Variants in ATXN7L1 observed in about 807,000 individuals in gnomAD.
The protein encoded by ATXN7L1 is ataxin-7-like protein 1.
Under a neutral mutation model 70.8 loss-of-function variants are expected in ATXN7L1, and 15 were observed. The ratio of observed to expected loss-of-function variants is 0.21; its 90% confidence interval spans 0.14 to 0.33. The LOEUF is 0.33. ATXN7L1 is among the 10% of genes least tolerant of loss of function. The probability of loss-of-function intolerance (pLI) is 1.00; values close to 1 mark genes in which losing one functional copy is unlikely to be tolerated. For synonymous variants in ATXN7L1, 440 were observed against 445.1 expected (o/e 0.99, Z 0.14); for missense variants, 975 against 1,097.1 (o/e 0.89, Z 1.57).
intron 3 of ATXN7L1, among the ~76,000 whole-genome samples, chr7:105,727,779 C>CACAT (rs1554442592): frequency 1.5e-5 from 1 of 66,864 alleles, no homozygotes; most frequent in Admixed American, 1.6e-4. Context: ...TATATATATA[C>CACAT]ACACACATAC....
At chr7:105,722,382 T>C (rs1408590146) in intron 3 of ATXN7L1, among the ~76,000 whole-genome samples, 1 of 151,674 alleles carries the variant, frequency 6.6e-6, no homozygotes, top group Non-Finnish European at 1.5e-5. Context: ...GCCAACATGA[T>C]GAAACTCTGT....
At position 105,733,637 on chromosome 7, in the gene ATXN7L1, T is replaced by TCCAC. The variant is rs1563049057; in HGVS notation, c.355+54966_355+54967insGTGG. ...ATCCATCCATCCATCCATCCACCCA[T>TCCAC]CCATCCATCCATCCATCCATCCATC... On this transcript the variant is annotated intron_variant, in intron 3 of 11. Transcript: ENST00000419735. Among the ~76,000 whole-genome samples the TCCAC allele has an allele frequency of 1.2e-3, 102 of 83,450 alleles. 12 individuals carry two copies. The highest frequency in any genetic ancestry group is 4.5e-3 in the African/African-American group (80 of 17,794). 54.7% of individuals were successfully genotyped at this position (83,450 alleles called of 152,430 possible).
chr7:105,829,194 G>A (rs375777244), intron 2 of ATXN7L1, among the ~76,000 whole-genome samples: 10 of 152,294 alleles, frequency 6.6e-5, no homozygotes, highest in African/African-American at 2.4e-4. Flanking sequence ...GGCTGAGGCG[G>A]GTGGATCACT....
chr7:105,874,769 T>C (rs1818773071), intron 2 of ATXN7L1, among the ~76,000 whole-genome samples: 1 of 152,250 alleles, frequency 6.6e-6, no homozygotes, highest in African/African-American at 2.4e-5. Context: ...GTTCCATCTT[T>C]CCACGCAGGC....
chr7:105,795,735 C>T (rs936595505), intron 2 of ATXN7L1, among the ~76,000 whole-genome samples: 2 of 152,110 alleles, frequency 1.3e-5, no homozygotes, highest in Admixed American at 6.5e-5. Context: ...GTGATATCTA[C>T]GCTCACCATA....
At chr7:105,649,888 A>C (rs1799598503) in intron 4 of ATXN7L1, among the ~76,000 whole-genome samples, 1 of 152,134 alleles carries the variant, frequency 6.6e-6, no homozygotes, top group African/African-American at 2.4e-5. Context: ...CTTCGACAAA[A>C]GCCTATGTGC....
intron 3 of ATXN7L1, among the ~76,000 whole-genome samples, chr7:105,786,858 T>C (rs1804378957): frequency 6.6e-6 from 1 of 152,208 alleles, no homozygotes; most frequent in Non-Finnish European, 1.5e-5. Flanking sequence ...CAACCCCTTG[T>C]TCCGTGCCTA....
At chr7:105,670,897 G>T (rs1419734883) in intron 3 of ATXN7L1, among the ~76,000 whole-genome samples, 1 of 152,056 alleles carries the variant, frequency 6.6e-6, no homozygotes, top group Non-Finnish European at 1.5e-5. Context: ...ACGAGGTCAG[G>T]AGATCGAGAC....
At chr7:105,845,475 C>G in intron 2 of ATXN7L1, among the ~76,000 whole-genome samples, 1 of 120,986 alleles carries the variant, frequency 8.3e-6, no homozygotes, top group African/African-American at 3.0e-5. Flanking sequence ...ATTCTCTAAA[C>G]TGATCTACAG....
intron 2 of ATXN7L1, among the ~76,000 whole-genome samples, chr7:105,807,032 G>A (rs1481325780): frequency 1.3e-5 from 2 of 152,166 alleles, no homozygotes; most frequent in African/African-American, 4.8e-5. Flanking sequence ...TGGCCTCCTG[G>A]GCCAGGGCAC....
chr7:105,798,138 G>A (rs1332741800), intron 2 of ATXN7L1, among the ~76,000 whole-genome samples: 1 of 152,134 alleles, frequency 6.6e-6, no homozygotes, highest in Non-Finnish European at 1.5e-5. Context: ...AAGCACTAAG[G>A]GAATCTAAGG....
intron 2 of ATXN7L1, among the ~76,000 whole-genome samples, chr7:105,871,779 A>C (rs1818306834): frequency 6.6e-6 from 1 of 152,166 alleles, no homozygotes; most frequent in African/African-American, 2.4e-5. Context: ...AAATAATAAC[A>C]ATGACATGAA....
chr7:105,693,116 A>G (rs1048534368), intron 3 of ATXN7L1, among the ~76,000 whole-genome samples: 1 of 152,246 alleles, frequency 6.6e-6, no homozygotes, highest in Non-Finnish European at 1.5e-5. Flanking sequence ...TTAACCAAAT[A>G]AAATTTTAGT....
At chr7:105,704,505 T>C (rs13228177) in intron 3 of ATXN7L1, among the ~76,000 whole-genome samples, 7,404 of 151,528 alleles carry the variant, frequency 0.049, 230 homozygotes, top group Admixed American at 0.069. Flanking sequence ...ACTGTTTAAT[T>C]CACACAATAA....
chr7:105,769,796 T>C (rs897631995), intron 3 of ATXN7L1, among the ~76,000 whole-genome samples: 6 of 152,312 alleles, frequency 3.9e-5, no homozygotes, highest in Middle Eastern at 3.4e-3. Flanking sequence ...CTTTTACCTT[T>C]TTGTCTCCTT....
chr7:105,714,853 G>A (rs67478261), intron 3 of ATXN7L1, among the ~76,000 whole-genome samples: 2 of 152,018 alleles, frequency 1.3e-5, no homozygotes, highest in African/African-American at 4.8e-5. Flanking sequence ...AGTAGAGACG[G>A]GGGTTTCCAC....
intron 2 of ATXN7L1, among the ~76,000 whole-genome samples, chr7:105,861,467 G>C (rs942934118): frequency 4.6e-5 from 7 of 151,148 alleles, no homozygotes; most frequent in Admixed American, 6.6e-5. Context: ...AAGATGGGAG[G>C]GAGGGAGGAG....
At chr7:105,691,126 T>C (rs1174491084) in intron 3 of ATXN7L1, among the ~76,000 whole-genome samples, 4 of 152,196 alleles carry the variant, frequency 2.6e-5, no homozygotes, top group Non-Finnish European at 5.9e-5. Context: ...GACCAGCCCT[T>C]GGGCATGTTT....
At chr7:105,853,635 G>T (rs1195432693) in intron 2 of ATXN7L1, among the ~76,000 whole-genome samples, 4 of 151,494 alleles carry the variant, frequency 2.6e-5, no homozygotes, top group Non-Finnish European at 4.4e-5. Context: ...GTGGTGGTGG[G>T]CGCCTGTAAT....
Sources: gnomAD v4.1 joint callset for allele counts (sites outside exome capture counted in the v4.1 genomes callset) on GRCh38, gnomAD v4.1.1 for gene constraint, MANE v1.5 for transcripts, NCBI Gene and HGNC (gene_info 2026-07-23, HGNC 2026-07-21) for gene names.